Variants in BCAS1 observed in about 807,000 individuals in gnomAD.
The protein encoded by BCAS1 is breast carcinoma-amplified sequence 1.
In BCAS1, 46 loss-of-function variants were observed where a neutral mutation model predicts 65.4. The ratio of observed to expected loss-of-function variants is 0.70; its 90% confidence interval spans 0.55 to 0.90. The LOEUF (loss-of-function observed/expected upper bound fraction) is 0.90. Among genes scored for constraint, BCAS1 ranks in the 40% least tolerant of loss-of-function variants. The probability of loss-of-function intolerance (pLI) is 0.00; values close to 1 mark genes in which losing one functional copy is unlikely to be tolerated. For missense variants in BCAS1, 793 were observed against 771.2 expected (o/e 1.03, Z -0.33); for synonymous variants, 298 against 293.5 (o/e 1.02, Z -0.16).
Position 53,959,956 on chromosome 20 carries a change from C to T in BCAS1, c.1486-2459G>A, listed in dbSNP as rs554327724. 3.3e-5 allele frequency among the ~76,000 whole-genome samples: 5 copies of T among 152,278 alleles called. No homozygotes were observed. In the South Asian group the frequency reaches 1.0e-3, roughly 32 times the overall value. On this transcript the variant is annotated intron_variant, in intron 10 of 12. Coordinates refer to ENST00000688948, the MANE Select transcript of BCAS1 (RefSeq NM_001366298.2). ...CCCTCCTCATAACCAGCTCTGTCAG[C>T]CTTCCCATCACACCCAAAGCTTTGG...
intron 3 of BCAS1, among the ~76,000 whole-genome samples, chr20:54,045,862 T>A (rs1054710109): frequency 1.3e-5 from 2 of 152,262 alleles, no homozygotes; most frequent in African/African-American, 4.8e-5. Context: ...TCTATTCAGA[T>A]ACACTCTTTG....
Position 54,062,317 on chromosome 20 carries a change from T to C in BCAS1, c.-5-3594A>G, listed in dbSNP as rs187851547. Among the ~76,000 whole-genome samples, 51 of 152,312 alleles carry C rather than the reference T, an allele frequency of 3.3e-4. No homozygotes were observed. The East Asian group carries it at 7.5e-3, about 22-fold the overall frequency. ...CATCTGTTGAGAAACTTCTAGGAGCTTTATTTGCAGTAAAACTAATTTGCT... is the reference window on the plus strand; with the variant it reads ...CATCTGTTGAGAAACTTCTAGGAGCCTTATTTGCAGTAAAACTAATTTGCT... On this transcript the variant is annotated intron_variant, in intron 1 of 12. Transcript: ENST00000688948.
intron 10 of BCAS1, among the ~76,000 whole-genome samples, chr20:53,966,204 A>C (rs1039426745): frequency 6.6e-6 from 1 of 152,252 alleles, no homozygotes; most frequent in South Asian, 2.1e-4. Flanking sequence ...ACAATTCACA[A>C]TTGCAAAGAT....
At chr20:54,025,020 C>T (rs373098345) in intron 4 of BCAS1, among the ~76,000 whole-genome samples, 19 of 152,160 alleles carry the variant, frequency 1.2e-4, no homozygotes, top group African/African-American at 3.1e-4. Flanking sequence ...CCTTGACAGA[C>T]GAGAAACATG....
Position 53,980,608 on chromosome 20 carries a change from A to C in BCAS1, c.1275+4679T>G, listed in dbSNP as rs2090452543. Among the ~76,000 whole-genome samples the C allele has an allele frequency of 1.3e-5, 2 of 152,232 alleles. 1 individual carries two copies. The highest frequency in any genetic ancestry group is 4.1e-4 in the South Asian group (2 of 4,830). ...TTTCTAGGTCTCTATTGGAACATCT[A>C]ATAAACTGTTGCTTTTACTCAAACA... On this transcript the variant is annotated intron_variant, in intron 8 of 12. Transcript: ENST00000688948.
At chr20:54,029,741 A>G (rs890610417) in intron 3 of BCAS1, among the ~76,000 whole-genome samples, 1 of 152,214 alleles carries the variant, frequency 6.6e-6, no homozygotes, top group Non-Finnish European at 1.5e-5. Context: ...AACATTAGTT[A>G]TCATTATTCA....
chr20:53,956,035 T>C (rs2089687492), intron 11 of BCAS1, among the ~76,000 whole-genome samples: 1 of 152,238 alleles, frequency 6.6e-6, no homozygotes, highest in African/African-American at 2.4e-5. Context: ...ACCGTCCATT[T>C]GTGAGTGTGA....
chr20:54,064,549 C>A (rs185576980), intron 1 of BCAS1, among the ~76,000 whole-genome samples: 1 of 152,188 alleles, frequency 6.6e-6, no homozygotes, highest in South Asian at 2.1e-4. Context: ...CCAGAACTGG[C>A]GGGCAGGGCA....
intron 3 of BCAS1, among the ~76,000 whole-genome samples, chr20:54,056,689 G>A (rs1415385846): frequency 1.3e-5 from 2 of 152,142 alleles, no homozygotes; most frequent in Admixed American, 1.3e-4. Flanking sequence ...GCAGCTACGG[G>A]ATGAGACTAG....
At chr20:53,984,137 C>T (rs2090553402) in intron 8 of BCAS1, among the ~76,000 whole-genome samples, 1 of 152,168 alleles carries the variant, frequency 6.6e-6, no homozygotes, top group South Asian at 2.1e-4. Context: ...CTTGAATATG[C>T]ATATGAATAC....
chr20:54,006,113 C>A (rs1431107324), intron 4 of BCAS1, among the ~76,000 whole-genome samples: 1 of 152,142 alleles, frequency 6.6e-6, no homozygotes, highest in Non-Finnish European at 1.5e-5. Flanking sequence ...GCAGAGGGTT[C>A]CATCACATAA....
At chr20:54,054,199 G>T (rs929811570) in intron 3 of BCAS1, among the ~76,000 whole-genome samples, 2 of 152,160 alleles carry the variant, frequency 1.3e-5, no homozygotes, top group Admixed American at 1.3e-4. Flanking sequence ...CCCATGACAC[G>T]TGGGGATTAT....
At chr20:53,947,958 G>A (rs956626188) in intron 12 of BCAS1, among the ~76,000 whole-genome samples, 1 of 152,138 alleles carries the variant, frequency 6.6e-6, no homozygotes, top group African/African-American at 2.4e-5. Flanking sequence ...CTAACCCTGT[G>A]ACGTCAGCAC....
rs753874050 is a variant in BCAS1, at chr20:53,985,287, C to G, written c.1275G>C (p.Lys425Asn). 2 of 1,612,812 alleles carry G rather than the reference C, an allele frequency of 1.2e-6. No homozygotes were observed. The highest frequency in any genetic ancestry group is 8.5e-7 in the Non-Finnish European group (1 of 1,179,836). The change falls in exon 8 of 13, where the codon AAG becomes AAC. Residue 425 changes from lysine to asparagine, a missense_variant and splice_region_variant. Physicochemically the swap from Lys to Asn is moderately conservative, Grantham distance 94 (BLOSUM62 0). Coordinates refer to ENST00000688948, the MANE Select transcript of BCAS1 (RefSeq NM_001366298.2). ...SLPLGKLFWKKSVKEDSVPTG... is the reference protein window; with the variant it reads ...SLPLGKLFWKNSVKEDSVPTG... ...TCTAACGCTTGAAAATCAGACTTACCTTTTTCCAAAACAGTTTGCCCAGAG... is the reference window on the plus strand; with the variant it reads ...TCTAACGCTTGAAAATCAGACTTACGTTTTTCCAAAACAGTTTGCCCAGAG...
In BCAS1 at chr20:54,014,673, T is replaced by C. The variant is rs370931402; in HGVS notation, c.723+13719A>G. ...GAAAATTTGTGTGAAAAATGTTGAA[T>C]GGTACAGAAACTCATGACTCCACTC... On this transcript the variant is annotated intron_variant, in intron 4 of 12. Transcript: ENST00000688948. 5.9e-5 allele frequency among the ~76,000 whole-genome samples: 9 copies of C among 152,332 alleles called. No individual in the cohort carries two copies. The South Asian group carries it at 1.9e-3, about 32-fold the overall frequency.
chr20:53,993,442 T>C (rs2090815712), intron 6 of BCAS1, among the ~76,000 whole-genome samples: 1 of 152,210 alleles, frequency 6.6e-6, no homozygotes, highest in Admixed American at 6.5e-5. Flanking sequence ...GTGGGTGTCA[T>C]GGACAACCTA....
intron 3 of BCAS1, among the ~76,000 whole-genome samples, chr20:54,054,973 T>C (rs995875582): frequency 5.3e-5 from 8 of 152,212 alleles, no homozygotes; most frequent in African/African-American, 1.9e-4. Context: ...GTGTATCTCA[T>C]ATATGTTAAC....
At chr20:54,053,366 A>G (rs996730367) in intron 3 of BCAS1, among the ~76,000 whole-genome samples, 2 of 152,192 alleles carry the variant, frequency 1.3e-5, no homozygotes, top group African/African-American at 2.4e-5. Flanking sequence ...ACTCTACACG[A>G]TACATTTCTT....
chr20:53,973,634 G>A (rs752997785), intron 9 of BCAS1, among the ~76,000 whole-genome samples: 16 of 152,256 alleles, frequency 1.1e-4, no homozygotes, highest in East Asian at 1.9e-4. Context: ...CAGATTTTAC[G>A]GGCAGCTTTT....
Sources: gnomAD v4.1 joint callset for allele counts (sites outside exome capture counted in the v4.1 genomes callset) on GRCh38, gnomAD v4.1.1 for gene constraint, MANE v1.5 for transcripts, NCBI Gene and HGNC (gene_info 2026-07-23, HGNC 2026-07-21) for gene names.